Variants in CSMD1 observed in about 807,000 individuals in gnomAD.
The protein encoded by CSMD1 is CUB and Sushi multiple domains 1.
A neutral mutation model predicts 417.5 loss-of-function variants in CSMD1; 213 were observed. The observed-to-expected ratio is 0.51, with a 90% CI of 0.46 to 0.57. CSMD1 has a LOEUF of 0.57. CSMD1 is among the 20% of genes least tolerant of loss of function. CSMD1 has a pLI of 0.00. For synonymous variants in CSMD1, 2,862 were observed against 1,736.8 expected (o/e 1.65, Z -16.11); for missense variants, 6,923 against 4,529.7 (o/e 1.53, Z -15.17).
At chr8:3,420,614 T>G (rs1022269559) in intron 12 of CSMD1, among the ~76,000 whole-genome samples, 1 of 152,148 alleles carries the variant, frequency 6.6e-6, no homozygotes, top group Non-Finnish European at 1.5e-5. Context: ...AAATCAAAAA[T>G]GTTAATTTGA....
chr8:2,951,312 C>T (rs1323849791), intron 65 of CSMD1, 37 bp from the exon 66 acceptor site: 3 of 1,563,280 alleles, frequency 1.9e-6, no homozygotes, highest in Admixed American at 1.9e-5. Context: ...TGTCAGCACA[C>T]ACACAAACAA....
chr8:4,246,766 A>T (rs1016831590), intron 3 of CSMD1, among the ~76,000 whole-genome samples: 1 of 152,210 alleles, frequency 6.6e-6, no homozygotes, highest in African/African-American at 2.4e-5. Flanking sequence ...AGGATCAAGA[A>T]GATTTTTTAA....
intron 52 of CSMD1, among the ~76,000 whole-genome samples, chr8:3,011,412 T>G (rs1300553906): frequency 6.6e-6 from 1 of 152,170 alleles, no homozygotes; most frequent in Non-Finnish European, 1.5e-5. Flanking sequence ...TTAAATATTT[T>G]ATGTGGATCT....
At chr8:4,944,895 C>A (rs979476878) in intron 1 of CSMD1, among the ~76,000 whole-genome samples, 1 of 152,096 alleles carries the variant, frequency 6.6e-6, no homozygotes, top group Non-Finnish European at 1.5e-5. Flanking sequence ...GAGGAATCCA[C>A]TTCTGAGGAT....
rs140593245 is a variant in CSMD1, at chr8:2,961,569, T to C, written c.9629-355A>G. On this transcript the variant is annotated intron_variant, in intron 61 of 69. Transcript: ENST00000635120. ...CTTTTTGCTTATTAGGATTCAATAA[T>C]TGGCCATCTCATTTGGTTACCCATT... 5.3e-5 allele frequency among the ~76,000 whole-genome samples: 8 copies of C among 152,312 alleles called. No individual in the cohort carries two copies. The East Asian group carries it at 1.5e-3, about 29-fold the overall frequency.
At chr8:4,363,542 C>T (rs914700495) in intron 3 of CSMD1, among the ~76,000 whole-genome samples, 1 of 152,146 alleles carries the variant, frequency 6.6e-6, no homozygotes, top group Non-Finnish European at 1.5e-5. Context: ...CAATAACTCC[C>T]TCCCTACTAC....
intron 3 of CSMD1, among the ~76,000 whole-genome samples, chr8:4,339,377 A>C (rs1800349460): frequency 6.6e-6 from 1 of 152,092 alleles, no homozygotes; most frequent in Non-Finnish European, 1.5e-5. Context: ...TCTATTTTTT[A>C]TCTTGTCATG....
At chr8:3,820,353 G>C (rs565033642) in intron 5 of CSMD1, among the ~76,000 whole-genome samples, 5 of 152,238 alleles carry the variant, frequency 3.3e-5, no homozygotes, top group African/African-American at 1.2e-4. Context: ...TGTTTGAACT[G>C]GGATATATGG....
intron 20 of CSMD1, among the ~76,000 whole-genome samples, chr8:3,365,628 G>C (rs986459851): frequency 6.6e-6 from 1 of 152,154 alleles, no homozygotes; most frequent in Non-Finnish European, 1.5e-5. Flanking sequence ...TAAAATGTTA[G>C]GTATATCATG....
chr8:3,984,495 C>T (rs1184091047), intron 5 of CSMD1, among the ~76,000 whole-genome samples: 2 of 151,728 alleles, frequency 1.3e-5, no homozygotes, highest in African/African-American at 4.8e-5. Flanking sequence ...TAATGACTAG[C>T]TCATTTTGAA....
At chr8:4,964,246 G>T (rs151059100) in intron 1 of CSMD1, among the ~76,000 whole-genome samples, 1 of 151,988 alleles carries the variant, frequency 6.6e-6, no homozygotes, top group African/African-American at 2.4e-5. Flanking sequence ...AGGTATGGTG[G>T]CTAACACCTG....
At chr8:3,505,390 G>A (rs535679782) in intron 10 of CSMD1, among the ~76,000 whole-genome samples, 1 of 152,150 alleles carries the variant, frequency 6.6e-6, no homozygotes, top group South Asian at 2.1e-4. Context: ...AAAAGATATT[G>A]AAGTTTCTTG....
chr8:4,896,825 G>T (rs190179847), intron 1 of CSMD1, among the ~76,000 whole-genome samples: 5 of 152,088 alleles, frequency 3.3e-5, no homozygotes, highest in Non-Finnish European at 5.9e-5. Context: ...GGGCTATCCA[G>T]TGAGAGCCGG....
chr8:4,572,085 G>A (rs1312845937), intron 2 of CSMD1, among the ~76,000 whole-genome samples: 1 of 152,190 alleles, frequency 6.6e-6, no homozygotes, highest in Non-Finnish European at 1.5e-5. Context: ...TCCAGTCTGT[G>A]TCTTTTAATT....
chr8:4,905,654 C>G (rs1011987084), intron 1 of CSMD1, among the ~76,000 whole-genome samples: 1 of 151,412 alleles, frequency 6.6e-6, no homozygotes, highest in Admixed American at 6.6e-5. Context: ...CCCGTCTCTA[C>G]TAAAACTACA....
At chr8:3,433,665 G>C (rs140751933) in intron 12 of CSMD1, among the ~76,000 whole-genome samples, 747 of 152,270 alleles carry the variant, frequency 4.9e-3, no homozygotes, top group Non-Finnish European at 5.4e-3. Flanking sequence ...ACATTGGTGA[G>C]ATGCTTCTCT....
chr8:4,484,763 A>T (rs943660450), intron 2 of CSMD1, among the ~76,000 whole-genome samples: 11 of 151,912 alleles, frequency 7.2e-5, no homozygotes, highest in African/African-American at 2.7e-4. Context: ...AGGTCAGGAG[A>T]TCGAGACCAT....
At chr8:4,547,563 T>C (rs1797690706) in intron 2 of CSMD1, among the ~76,000 whole-genome samples, 1 of 152,222 alleles carries the variant, frequency 6.6e-6, no homozygotes, top group Non-Finnish European at 1.5e-5. Flanking sequence ...GATACTTGGA[T>C]AAACCATCAT....
chr8:4,059,177 T>C (rs1250787996), intron 3 of CSMD1, among the ~76,000 whole-genome samples: 2 of 152,158 alleles, frequency 1.3e-5, no homozygotes, highest in Non-Finnish European at 2.9e-5. Flanking sequence ...CTGAACAACC[T>C]GCTGCTGAAT....
Sources: allele counts gnomAD v4.1 joint callset (sites outside exome capture counted in the v4.1 genomes callset), GRCh38; gene constraint gnomAD v4.1.1; transcripts MANE v1.5; gene names NCBI Gene and HGNC (gene_info 2026-07-23, HGNC 2026-07-21).